MYRIP: variants seen among roughly 807,000 people sequenced by gnomAD.
MYRIP encodes rab effector MyRIP.
A neutral mutation model predicts 98.0 loss-of-function variants in MYRIP; 49 were observed. The observed-to-expected ratio is 0.50, with a 90% CI of 0.40 to 0.63. The LOEUF (loss-of-function observed/expected upper bound fraction) is 0.63. Among genes scored for constraint, MYRIP ranks in the 30% least tolerant of loss-of-function variants. The pLI is 0.00. For missense variants in MYRIP, 1,004 were observed against 1,058.2 expected, an observed-to-expected ratio of 0.95 and a Z score of 0.71; for synonymous variants, 404 against 409.5, an observed-to-expected ratio of 0.99 and a Z score of 0.16.
chr3:39,939,453 G>C lies in MYRIP; in HGVS notation c.110+38527G>C, dbSNP rs547047419. 2.0e-5 allele frequency among the ~76,000 whole-genome samples: 3 copies of C among 152,162 alleles called. No homozygotes were observed. In the South Asian group the frequency reaches 6.2e-4, roughly 32 times the overall value. On this transcript the variant is annotated intron_variant, in intron 2 of 16. Coordinates refer to ENST00000302541, the MANE Select transcript of MYRIP (RefSeq NM_015460.4). ...AATAAAGCAGGACATAAAATATCAT[G>C]ATCACTGAAATTACATCTAGTGAAA...
chr3:39,928,884 G>A (rs1182835346), intron 2 of MYRIP, among the ~76,000 whole-genome samples: 1 of 151,906 alleles, frequency 6.6e-6, no homozygotes, highest in African/African-American at 2.4e-5. Context: ...AAAGTGTGAT[G>A]CATACTACTC....
intron 1 of MYRIP, among the ~76,000 whole-genome samples, chr3:39,863,860 A>C (rs1250979435): frequency 6.6e-6 from 1 of 152,166 alleles, no homozygotes; most frequent in Non-Finnish European, 1.5e-5. Context: ...AACAAACTGT[A>C]GGCCAACGTT....
At chr3:40,077,263 G>C (rs1311350061) in intron 3 of MYRIP, among the ~76,000 whole-genome samples, 1 of 152,176 alleles carries the variant, frequency 6.6e-6, no homozygotes, top group Non-Finnish European at 1.5e-5. Context: ...AGCTTCCACA[G>C]TGTGGAAGGG....
chr3:39,874,453 T>A (rs1196425348), intron 1 of MYRIP, among the ~76,000 whole-genome samples: 2 of 152,118 alleles, frequency 1.3e-5, no homozygotes. Context: ...TTTTTGCCCA[T>A]TCAGTATGAT....
chr3:40,012,152 T>C (rs1411224194), intron 2 of MYRIP, among the ~76,000 whole-genome samples: 1 of 152,330 alleles, frequency 6.6e-6, no homozygotes, highest in South Asian at 2.1e-4. Context: ...GACAGATAAG[T>C]AGTTCTTTTT....
chr3:40,183,492 G>T (rs1013227974), intron 9 of MYRIP, among the ~76,000 whole-genome samples: 4 of 152,188 alleles, frequency 2.6e-5, no homozygotes, highest in Admixed American at 1.3e-4. Flanking sequence ...CAAATGAACT[G>T]AGTCATTTTC....
chr3:40,204,657 G>A (rs1025257817), intron 10 of MYRIP, among the ~76,000 whole-genome samples: 7 of 151,940 alleles, frequency 4.6e-5, no homozygotes, highest in African/African-American at 1.7e-4. Flanking sequence ...ATTTAAACCC[G>A]CCTTTCCTAG....
chr3:39,930,649 T>G (rs544181375), intron 2 of MYRIP, among the ~76,000 whole-genome samples: 1 of 152,240 alleles, frequency 6.6e-6, no homozygotes, highest in East Asian at 1.9e-4. Flanking sequence ...AGGAATTTTA[T>G]AAATTTATCT....
intron 2 of MYRIP, among the ~76,000 whole-genome samples, chr3:40,031,278 T>A (rs1947254901): frequency 6.6e-6 from 1 of 152,078 alleles, no homozygotes; most frequent in Non-Finnish European, 1.5e-5. Context: ...AGGATTTTAC[T>A]CTTAACACCT....
At chr3:40,232,646 G>A (rs1203933436) in intron 11 of MYRIP, among the ~76,000 whole-genome samples, 1 of 152,174 alleles carries the variant, frequency 6.6e-6, no homozygotes, top group African/African-American at 2.4e-5. Context: ...GTTTGCAGAT[G>A]GAAACCATGA....
chr3:39,957,527 C>A (rs1945199596), intron 2 of MYRIP, among the ~76,000 whole-genome samples: 1 of 152,104 alleles, frequency 6.6e-6, no homozygotes, highest in Non-Finnish European at 1.5e-5. Context: ...TGGGATGTAT[C>A]TCAAAATAAT....
intron 1 of MYRIP, among the ~76,000 whole-genome samples, chr3:39,829,138 C>T (rs6785977): frequency 0.64 from 97,492 of 152,016 alleles, 31,630 homozygotes; most frequent in African/African-American, 0.73. Context: ...TGTCAACATC[C>T]ACTGTTTTTT....
intron 1 of MYRIP, among the ~76,000 whole-genome samples, chr3:39,819,317 C>A (rs569490967): frequency 4.5e-4 from 68 of 152,120 alleles, no homozygotes; most frequent in African/African-American, 1.5e-3. Context: ...CATTGCACTC[C>A]AGCCTGGGCA....
intron 1 of MYRIP, among the ~76,000 whole-genome samples, chr3:39,827,168 G>C (rs994495956): frequency 5.3e-5 from 8 of 151,936 alleles, no homozygotes; most frequent in African/African-American, 1.9e-4. Context: ...GCTGGAGTGC[G>C]GTGGCATGAC....
intron 3 of MYRIP, among the ~76,000 whole-genome samples, chr3:40,081,808 C>A (rs2125870947): frequency 6.6e-6 from 1 of 152,132 alleles, no homozygotes; most frequent in East Asian, 1.9e-4. Context: ...AACTATGTAC[C>A]CTTTGACCAA....
intron 10 of MYRIP, among the ~76,000 whole-genome samples, chr3:40,204,911 T>A (rs1212441355): frequency 6.6e-6 from 1 of 152,148 alleles, no homozygotes; most frequent in Non-Finnish European, 1.5e-5. Flanking sequence ...CCTGCTCCAA[T>A]AGAAGCCAGC....
At chr3:40,171,970 G>A (rs1171799908) in intron 8 of MYRIP, among the ~76,000 whole-genome samples, 2 of 152,220 alleles carry the variant, frequency 1.3e-5, no homozygotes, top group Non-Finnish European at 1.5e-5. Flanking sequence ...AGGCAAGAGA[G>A]CGTGTGCAGG....
At chr3:39,959,401 T>C (rs13095254) in intron 2 of MYRIP, among the ~76,000 whole-genome samples, 39,340 of 151,806 alleles carry the variant, frequency 0.26, 5,657 homozygotes, top group Middle Eastern at 0.37. Flanking sequence ...GAAACCATCA[T>C]TCTCAGCAAA....
At chr3:39,908,234 G>A (rs1005376322) in intron 2 of MYRIP, among the ~76,000 whole-genome samples, 9 of 152,178 alleles carry the variant, frequency 5.9e-5, no homozygotes, top group Non-Finnish European at 1.3e-4. Flanking sequence ...GTGTGAGATA[G>A]CACTTCCTGC....
Sources: gnomAD v4.1 joint callset for allele counts (sites outside exome capture counted in the v4.1 genomes callset) on GRCh38, gnomAD v4.1.1 for gene constraint, MANE v1.5 for transcripts, NCBI Gene and HGNC (gene_info 2026-07-23, HGNC 2026-07-21) for gene names.